The following LRBA variants were observed in gnomAD, a reference collection of about 807,000 sequenced individuals.
LRBA encodes the protein lipopolysaccharide-responsive and beige-like anchor protein.
In LRBA, 176 loss-of-function variants were observed where a neutral mutation model predicts 330.0. That is an observed-to-expected ratio of 0.53 (90% CI 0.47 to 0.60). The LOEUF is 0.60. Among genes scored for constraint, LRBA ranks in the 20% least tolerant of loss-of-function variants. The probability of loss-of-function intolerance (pLI) is 0.00; values close to 1 mark genes in which losing one functional copy is unlikely to be tolerated. For missense variants in LRBA, 3,259 were observed against 3,444.8 expected, an observed-to-expected ratio of 0.95 and a Z score of 1.35; for synonymous variants, 1,230 against 1,193.0, an observed-to-expected ratio of 1.03 and a Z score of -0.64.
chr4:150,431,759 C>T (rs760022602), intron 46 of LRBA, among the ~76,000 whole-genome samples: 7 of 151,890 alleles, frequency 4.6e-5, no homozygotes, highest in Non-Finnish European at 7.4e-5. Context: ...TCTAAGTCTA[C>T]TTAGAAAACT....
At chr4:150,632,948 T>C (rs1777534560) in intron 37 of LRBA, among the ~76,000 whole-genome samples, 1 of 152,224 alleles carries the variant, frequency 6.6e-6, no homozygotes, top group Non-Finnish European at 1.5e-5. Context: ...ATTCCTTTTC[T>C]CACCCTATAT....
At chr4:150,819,170 A>G (rs1181868406) in intron 30 of LRBA, among the ~76,000 whole-genome samples, 1 of 151,890 alleles carries the variant, frequency 6.6e-6, no homozygotes, top group African/African-American at 2.4e-5. Flanking sequence ...TCTTATACTA[A>G]GGAGTATATA....
chr4:150,703,053 C>T (rs147300106), intron 36 of LRBA, among the ~76,000 whole-genome samples: 346 of 152,178 alleles, frequency 2.3e-3, no homozygotes, highest in Non-Finnish European at 3.3e-3. Flanking sequence ...CCCAGCTACT[C>T]GGGAGGCTGA....
chr4:150,965,560 C>T (rs1738782230), intron 2 of LRBA, among the ~76,000 whole-genome samples: 1 of 152,154 alleles, frequency 6.6e-6, no homozygotes, highest in South Asian at 2.1e-4. Context: ...TTATTTGAGA[C>T]AGGGTCTCAC....
chr4:150,722,180 T>C (rs777556665), intron 36 of LRBA, among the ~76,000 whole-genome samples: 2 of 152,054 alleles, frequency 1.3e-5, no homozygotes, highest in African/African-American at 2.4e-5. Context: ...AAAAATAATT[T>C]GAGAAAATAT....
chr4:150,970,968 A>G (rs560993684), intron 2 of LRBA, among the ~76,000 whole-genome samples: 1 of 152,316 alleles, frequency 6.6e-6, no homozygotes, highest in African/African-American at 2.4e-5. Flanking sequence ...AAGATTACAC[A>G]GCTTGACCAA....
chr4:150,742,142 T>TAA (rs1732073601), intron 35 of LRBA, among the ~76,000 whole-genome samples: 1 of 38,746 alleles, frequency 2.6e-5, no homozygotes, highest in Non-Finnish European at 8.5e-5. Flanking sequence ...ATTATTATTA[T>TAA]TATTATTATT....
intron 31 of LRBA, among the ~76,000 whole-genome samples, chr4:150,816,704 TA>T (rs1305776403): frequency 6.6e-5 from 10 of 151,804 alleles, no homozygotes; most frequent in South Asian, 4.1e-4. Flanking sequence ...ACTATATAAA[TA>T]TTTTTTTTTT....
At chr4:150,456,969 G>A (rs1754156150) in intron 44 of LRBA, among the ~76,000 whole-genome samples, 1 of 152,036 alleles carries the variant, frequency 6.6e-6, no homozygotes, top group Admixed American at 6.6e-5. Context: ...TGTCAAAAAT[G>A]AGTCCACTGT....
intron 40 of LRBA, among the ~76,000 whole-genome samples, chr4:150,558,982 G>A (rs1242976504): frequency 6.6e-6 from 1 of 152,096 alleles, no homozygotes; most frequent in Non-Finnish European, 1.5e-5. Flanking sequence ...CTGACTGGCT[G>A]ATCAAAATAT....
chr4:150,499,397 A>G (rs1910724), intron 40 of LRBA, among the ~76,000 whole-genome samples: 5 of 151,860 alleles, frequency 3.3e-5, no homozygotes, highest in Non-Finnish European at 5.9e-5. Context: ...AATCCTAGCA[A>G]TTTGGGAGGC....
intron 2 of LRBA, among the ~76,000 whole-genome samples, chr4:150,965,273 T>C (rs982464588): frequency 7.2e-5 from 11 of 152,110 alleles, no homozygotes; most frequent in Non-Finnish European, 1.6e-4. Context: ...ATCTATGCAA[T>C]AGAATACTTA....
intron 37 of LRBA, among the ~76,000 whole-genome samples, chr4:150,670,451 T>G (rs1174034002): frequency 6.6e-6 from 1 of 152,232 alleles, no homozygotes; most frequent in Non-Finnish European, 1.5e-5. Flanking sequence ...CTGCTACCCA[T>G]TTTTGAGTAC....
chr4:150,806,575 T>C (rs1391100958), intron 32 of LRBA, among the ~76,000 whole-genome samples, 171 bp from the exon 33 acceptor site: 2 of 152,082 alleles, frequency 1.3e-5, no homozygotes, highest in Non-Finnish European at 2.9e-5. Context: ...AAAATATTCG[T>C]TTTTATCCTG....
At chr4:150,396,474 C>T (rs925284520) in intron 47 of LRBA, among the ~76,000 whole-genome samples, 1 of 90,138 alleles carries the variant, frequency 1.1e-5, no homozygotes, top group African/African-American at 3.3e-5. Flanking sequence ...CATAATAAAT[C>T]TCATCTCACA....
At chr4:150,936,989 A>G (rs1735143328) in intron 2 of LRBA, among the ~76,000 whole-genome samples, 1 of 152,160 alleles carries the variant, frequency 6.6e-6, no homozygotes, top group East Asian at 1.9e-4. Flanking sequence ...AATCATTCCT[A>G]TAAGTAACCA....
At chr4:150,346,864 G>A (rs1736431527) in intron 48 of LRBA, among the ~76,000 whole-genome samples, 2 of 150,554 alleles carry the variant, frequency 1.3e-5, no homozygotes, top group African/African-American at 2.4e-5. Flanking sequence ...ATTTCTGGGT[G>A]TATATCCAAA....
At chr4:150,709,753 C>G (rs572972207) in intron 36 of LRBA, among the ~76,000 whole-genome samples, 1 of 151,936 alleles carries the variant, frequency 6.6e-6, no homozygotes, top group African/African-American at 2.4e-5. Context: ...TAATTACAAA[C>G]AATTATTAAG....
intron 40 of LRBA, chr4:150,582,206 A>G (rs963247758): frequency 6.6e-6 from 1 of 152,150 alleles, no homozygotes; most frequent in Admixed American, 6.5e-5. Flanking sequence ...TGAGGGCCAA[A>G]AGTATAAATT....
Sources: allele counts gnomAD v4.1 joint callset (sites outside exome capture counted in the v4.1 genomes callset), GRCh38; gene constraint gnomAD v4.1.1; transcripts MANE v1.5; gene names NCBI Gene and HGNC (gene_info 2026-07-23, HGNC 2026-07-21).